Variants in ARHGAP20 observed in about 807,000 individuals in gnomAD.
ARHGAP20 encodes the protein Rho GTPase activating protein 20.
In ARHGAP20, 34 loss-of-function variants were observed where a neutral mutation model predicts 73.7. The ratio of observed to expected loss-of-function variants is 0.46; its 90% CI spans 0.35 to 0.61. ARHGAP20 has a LOEUF of 0.61. Ranked by LOEUF, ARHGAP20 falls within the 20% of genes least tolerant of loss-of-function variation. ARHGAP20 has a pLI of 0.00. For synonymous variants in ARHGAP20, 523 were observed against 518.2 expected (o/e 1.01, Z -0.13); for missense variants, 1,314 against 1,420.9 (o/e 0.92, Z 1.21).
intron 3 of ARHGAP20, among the ~76,000 whole-genome samples, chr11:110,625,912 T>C (rs1948733290): frequency 1.3e-5 from 2 of 152,222 alleles, no homozygotes; most frequent in African/African-American, 4.8e-5. Context: ...ATTCATGGAA[T>C]ATTTAAAGCT....
chr11:110,665,348 A>C (rs1949703218), intron 2 of ARHGAP20, among the ~76,000 whole-genome samples: 1 of 152,150 alleles, frequency 6.6e-6, no homozygotes, highest in Non-Finnish European at 1.5e-5. Context: ...AATAATGAAG[A>C]ATGAAGGTCA....
chr11:110,666,077 A>C (rs1949718741), intron 2 of ARHGAP20, among the ~76,000 whole-genome samples: 1 of 152,076 alleles, frequency 6.6e-6, no homozygotes, highest in Non-Finnish European at 1.5e-5. Flanking sequence ...TCCACATACT[A>C]CCATTGAACA....
rs780427135 is a variant in ARHGAP20, at chr11:110,712,282, G to A, written c.-51C>T. On this transcript the variant is annotated 5_prime_UTR_variant, in exon 1 of 15. Transcript: ENST00000683387. ...GCCCAGGAGGAGGCTACACGATCAT[G>A]TCCGCGGGCTGCCGGCCGGAGGGGC... 7.9e-7 allele frequency: 1 copy of A among 1,259,574 alleles called. No homozygotes were observed. Among genetic ancestry groups the A allele is most frequent in the Non-Finnish European group, 1.0e-6 (1 of 991,340 alleles). 78.0% of individuals were successfully genotyped at this position (1,259,574 alleles called of 1,614,324 possible). A position where few individuals can be genotyped will look rare whatever the true frequency, so the allele number is the denominator to read the frequency against.
chr11:110,700,627 T>C (rs1235694285), intron 1 of ARHGAP20, among the ~76,000 whole-genome samples: 2 of 151,904 alleles, frequency 1.3e-5, no homozygotes, highest in Non-Finnish European at 2.9e-5. Context: ...TTAGGGTACA[T>C]GTGCACAATG....
At chr11:110,596,782 C>T (rs926219069) in intron 9 of ARHGAP20, among the ~76,000 whole-genome samples, 19 of 152,094 alleles carry the variant, frequency 1.2e-4, no homozygotes, top group Admixed American at 1.0e-3. Flanking sequence ...TCAGTAATCC[C>T]GTTACTGGGT....
intron 1 of ARHGAP20, among the ~76,000 whole-genome samples, chr11:110,696,025 G>A (rs1950328785): frequency 6.6e-6 from 1 of 151,490 alleles, no homozygotes; most frequent in Non-Finnish European, 1.5e-5. Flanking sequence ...TACAACATGA[G>A]TGAACCTTGA....
In ARHGAP20 at chr11:110,619,597, A is replaced by C. The variant is rs946241782; in HGVS notation, c.504-4003T>G. ...AGTGATAGCGTATATGTAGTGATAG[A>C]GTGTATGCAGTGATAGAGTGTATGC... On this transcript the variant is annotated intron_variant, in intron 4 of 14. Transcript: ENST00000683387. Among the ~76,000 whole-genome samples, 384 of 151,108 alleles carry C rather than the reference A, an allele frequency of 2.5e-3. 7 individuals carry two copies. Among genetic ancestry groups the C allele is most frequent in the African/African-American group, 8.3e-3 (340 of 40,956 alleles).
chr11:110,631,535 T>A (rs1948860442), intron 2 of ARHGAP20, among the ~76,000 whole-genome samples: 1 of 152,130 alleles, frequency 6.6e-6, no homozygotes, highest in Admixed American at 6.5e-5. Flanking sequence ...CTTTGCATAC[T>A]CCATCAAACT....
chr11:110,612,204 G>T (rs1948382095), intron 6 of ARHGAP20, among the ~76,000 whole-genome samples: 1 of 151,788 alleles, frequency 6.6e-6, no homozygotes, highest in African/African-American at 2.4e-5. Context: ...GGGTCATGAG[G>T]TCAGGAGATC....
chr11:110,647,386 A>G (rs1949219931), intron 2 of ARHGAP20, among the ~76,000 whole-genome samples: 1 of 152,118 alleles, frequency 6.6e-6, no homozygotes, highest in Admixed American at 6.6e-5. Flanking sequence ...GCTGAGGGAA[A>G]GAGCTGTCAG....
chr11:110,680,883 A>C (rs184330237), intron 2 of ARHGAP20, among the ~76,000 whole-genome samples: 18 of 152,318 alleles, frequency 1.2e-4, no homozygotes, highest in Admixed American at 5.2e-4. Context: ...CAAAGTAATG[A>C]GTTTCATTTT....
At chr11:110,597,406 T>C (rs1947996699) in intron 9 of ARHGAP20, among the ~76,000 whole-genome samples, 1 of 152,026 alleles carries the variant, frequency 6.6e-6, no homozygotes, top group South Asian at 2.1e-4. Context: ...TATATGTGAA[T>C]ATGTATTTAA....
At position 110,711,556 on chromosome 11, in the gene ARHGAP20, G is replaced by C. The variant is rs1434287378; in HGVS notation, c.105+571C>G. ...ATCCAGGACCCTGGTGTGGGGGGCA[G>C]TACTCCCCATATCTGCCCCCCGAAA... On this transcript the variant is annotated intron_variant, in intron 1 of 14. Coordinates refer to ENST00000683387, the MANE Select transcript of ARHGAP20 (RefSeq NM_001384657.1). 1.9e-5 allele frequency: 27 copies of C among 1,396,068 alleles called. No homozygotes were observed. The East Asian group carries it at 6.8e-4, about 35-fold the overall frequency. The allele number at this position is 1,396,068 out of a possible 1,614,324, so 86.5% of individuals were successfully genotyped here.
chr11:110,711,979 T>G, intron 1 of ARHGAP20, 148 bp downstream of exon 1: 1 of 1,246,634 alleles, frequency 8.0e-7, no homozygotes, highest in Non-Finnish European at 1.0e-6. Flanking sequence ...CGGGAAGTGT[T>G]CTGGGACTCT....
intron 2 of ARHGAP20, among the ~76,000 whole-genome samples, chr11:110,667,643 C>T (rs1949750875): frequency 6.6e-6 from 1 of 151,998 alleles, no homozygotes; most frequent in Non-Finnish European, 1.5e-5. Flanking sequence ...ACAGTGATTC[C>T]TCTGATGGAT....
At chr11:110,602,399 T>C (rs75879985) in intron 9 of ARHGAP20, among the ~76,000 whole-genome samples, 2,737 of 152,312 alleles carry the variant, frequency 0.018, 31 homozygotes, top group Non-Finnish European at 0.028. Context: ...TATGCGTCAA[T>C]GGTTAACAGA....
chr11:110,587,577 C>T lies in ARHGAP20; in HGVS notation c.1306-1252G>A, dbSNP rs73553949. Among the ~76,000 whole-genome samples, 532 of 152,300 alleles carry T rather than the reference C, an allele frequency of 3.5e-3. 4 individuals carry two copies. The highest frequency in any genetic ancestry group is 0.012 in the African/African-American group (513 of 41,572). On this transcript the variant is annotated intron_variant, in intron 11 of 14. Coordinates refer to ENST00000683387, the MANE Select transcript of ARHGAP20 (RefSeq NM_001384657.1). ...CTTATGAGCTCCTCCAGGGTAGGGA[C>T]AGACCCTTCTTTGTACATGTCAATG...
intron 9 of ARHGAP20, among the ~76,000 whole-genome samples, chr11:110,593,789 G>A (rs1947886676): frequency 6.6e-6 from 1 of 152,224 alleles, no homozygotes; most frequent in Admixed American, 6.5e-5. Flanking sequence ...ATTCACAGGG[G>A]CAGATTCAAA....
chr11:110,687,802 A>G (rs953546235), intron 2 of ARHGAP20, among the ~76,000 whole-genome samples: 6 of 152,216 alleles, frequency 3.9e-5, no homozygotes, highest in African/African-American at 1.4e-4. Flanking sequence ...ATGCTCAGAC[A>G]TGATTATACT....
Sources: gnomAD v4.1 joint callset for allele counts (sites outside exome capture counted in the v4.1 genomes callset) on GRCh38, gnomAD v4.1.1 for gene constraint, MANE v1.5 for transcripts, NCBI Gene and HGNC (gene_info 2026-07-23, HGNC 2026-07-21) for gene names.